ZFHX3: variants seen among roughly 807,000 people sequenced by gnomAD.
The protein encoded by ZFHX3 is zinc finger homeobox protein 3.
Under a neutral mutation model 279.1 loss-of-function variants are expected in ZFHX3, and 42 were observed. That is an observed-to-expected ratio of 0.15 (90% confidence interval 0.12 to 0.19). The LOEUF (loss-of-function observed/expected upper bound fraction) is 0.19. Among genes scored for constraint, ZFHX3 ranks in the 10% least tolerant of loss-of-function variants. The probability of loss-of-function intolerance (pLI) is 1.00; values close to 1 mark genes in which losing one functional copy is unlikely to be tolerated. For missense variants in ZFHX3, 4,981 were observed against 4,754.0 expected (o/e 1.05, Z -1.40); for synonymous variants, 2,293 against 1,957.8 (o/e 1.17, Z -4.52).
At chr16:73,774,379 T>TCA (rs2054053386) in intron 1 of ZFHX3, among the ~76,000 whole-genome samples, 1 of 152,152 alleles carries the variant, frequency 6.6e-6, no homozygotes, top group South Asian at 2.1e-4. Context: ...ATGACCACCA[T>TCA]TGCTGCCTTC....
At chr16:73,318,915 T>C (rs2015512784) in intron 3 of ZFHX3, among the ~76,000 whole-genome samples, 1 of 152,218 alleles carries the variant, frequency 6.6e-6, no homozygotes, top group South Asian at 2.1e-4. Context: ...GCTTGTTTGC[T>C]GTAATTTTAT....
At chr16:73,494,529 T>C (rs1051889275) in intron 2 of ZFHX3, among the ~76,000 whole-genome samples, 1 of 152,148 alleles carries the variant, frequency 6.6e-6, no homozygotes, top group African/African-American at 2.4e-5. Context: ...CTGTGTATAT[T>C]AAAACTCCCC....
Position 73,181,081 on chromosome 16 carries a change from GTTTGTTTTGTTTTGT to G in ZFHX3, c.-1103-37265_-1103-37251del, listed in dbSNP as rs375983001. On this transcript the variant is annotated intron_variant, in intron 5 of 17. Coordinates refer to the ZFHX3 transcript ENST00000641206. Reference sequence around the variant, plus strand: ...AAGGCTGCAGCTAGTTTTTTTGTTTGTTTGTTTTGTTTTGTTTTGTTTTGTTTTGTTTTGTTTTGA... The same window carrying G: ...AAGGCTGCAGCTAGTTTTTTTGTTTGTTTGTTTTGTTTTGTTTTGTTTTGA... Among the ~76,000 whole-genome samples the G allele has an allele frequency of 6.7e-4, 96 of 143,026 alleles. 1 individual carries two copies. The highest frequency in any genetic ancestry group is 3.5e-3 in the Middle Eastern group (1 of 286). 93.8% of individuals were successfully genotyped at this position (143,026 alleles called of 152,430 possible).
chr16:73,145,052 C>T (rs778477694), intron 5 of ZFHX3, among the ~76,000 whole-genome samples: 8 of 152,204 alleles, frequency 5.3e-5, no homozygotes, highest in African/African-American at 1.4e-4. Context: ...CTGGTGACAA[C>T]GGCTATCCCT....
intron 4 of ZFHX3, among the ~76,000 whole-genome samples, chr16:72,849,705 T>C (rs1372378695): frequency 6.6e-6 from 1 of 152,008 alleles, no homozygotes; most frequent in Non-Finnish European, 1.5e-5. Flanking sequence ...TATTGGCATA[T>C]CAATTAATGC....
intron 2 of ZFHX3, among the ~76,000 whole-genome samples, chr16:73,494,022 C>A (rs938953922): frequency 6.6e-6 from 1 of 151,476 alleles, no homozygotes; most frequent in South Asian, 2.1e-4. Flanking sequence ...AGACTCCATA[C>A]TGGCCCTGCC....
chr16:73,728,481 T>C (rs1212131725), intron 1 of ZFHX3, among the ~76,000 whole-genome samples: 3 of 152,218 alleles, frequency 2.0e-5, no homozygotes, highest in African/African-American at 4.8e-5. Flanking sequence ...AAAAGTTCTA[T>C]TGGACAGTGC....
intron 2 of ZFHX3, among the ~76,000 whole-genome samples, chr16:73,617,307 G>T (rs990826656): frequency 1.3e-5 from 2 of 152,184 alleles, no homozygotes; most frequent in African/African-American, 4.8e-5. Flanking sequence ...GAGGGAAATA[G>T]AAAAGGGCAA....
At chr16:73,742,069 T>C (rs1467101) in intron 1 of ZFHX3, among the ~76,000 whole-genome samples, 1 of 152,186 alleles carries the variant, frequency 6.6e-6, no homozygotes, top group Admixed American at 6.5e-5. Flanking sequence ...ATCAATACAG[T>C]GGTCATCAAC....
chr16:73,797,714 T>G (rs1314286410), intron 1 of ZFHX3, among the ~76,000 whole-genome samples: 1 of 152,072 alleles, frequency 6.6e-6, no homozygotes, highest in Non-Finnish European at 1.5e-5. Context: ...TTTCTGGCTC[T>G]GCATGACCTT....
At chr16:73,634,816 CCTT>C (rs2052513406) in intron 2 of ZFHX3, among the ~76,000 whole-genome samples, 1 of 152,092 alleles carries the variant, frequency 6.6e-6, no homozygotes, top group Non-Finnish European at 1.5e-5. Context: ...ACTACCTTCT[CCTT>C]CGTAAAATCT....
intron 4 of ZFHX3, among the ~76,000 whole-genome samples, chr16:72,882,982 GTGTGTGTGTGTGTGT>G (rs2038526352): frequency 3.2e-3 from 67 of 20,802 alleles, no homozygotes; most frequent in African/African-American, 5.6e-3. Context: ...TCTGGGGTGT[GTGTGTGTGTGTGTGT>G]GTGTGTGTGT....
intron 1 of ZFHX3, among the ~76,000 whole-genome samples, chr16:73,877,160 A>G (rs1345923364): frequency 7.3e-6 from 1 of 136,674 alleles, no homozygotes; most frequent in African/African-American, 2.7e-5. Context: ...TGCATCAAGC[A>G]TAACAAAAAG....
At chr16:73,649,858 G>C (rs2052654401) in intron 2 of ZFHX3, among the ~76,000 whole-genome samples, 1 of 152,160 alleles carries the variant, frequency 6.6e-6, no homozygotes, top group Non-Finnish European at 1.5e-5. Context: ...AGAATCAAAA[G>C]GGTAGCTAGA....
chr16:72,827,828 G>A (rs537173424), intron 5 of ZFHX3, among the ~76,000 whole-genome samples: 2 of 152,264 alleles, frequency 1.3e-5, no homozygotes, highest in East Asian at 3.9e-4. Flanking sequence ...CAGTCTGAAG[G>A]GGAATGCTAA....
At chr16:73,541,146 G>T (rs934633475) in intron 2 of ZFHX3, among the ~76,000 whole-genome samples, 2 of 151,994 alleles carry the variant, frequency 1.3e-5, no homozygotes, top group Non-Finnish European at 2.9e-5. Flanking sequence ...ATTTATTTTG[G>T]GCCCAGCAAA....
chr16:73,833,857 G>T (rs2142361059), intron 1 of ZFHX3, among the ~76,000 whole-genome samples: 1 of 150,402 alleles, frequency 6.6e-6, no homozygotes, highest in South Asian at 2.1e-4. Flanking sequence ...GTACCACATT[G>T]TATGATGTGT....
intron 4 of ZFHX3, among the ~76,000 whole-genome samples, chr16:72,845,300 C>G (rs1320678061): frequency 6.6e-6 from 1 of 152,194 alleles, no homozygotes; most frequent in African/African-American, 2.4e-5. Flanking sequence ...CTAGAGGACG[C>G]ACACTCCTGG....
intron 3 of ZFHX3, among the ~76,000 whole-genome samples, chr16:72,939,688 G>C (rs750508632): frequency 6.6e-6 from 1 of 152,258 alleles, no homozygotes; most frequent in Non-Finnish European, 1.5e-5. Flanking sequence ...AGGAGTTCGA[G>C]ACCAGCCTGG....
Sources: allele counts gnomAD v4.1 joint callset (sites outside exome capture counted in the v4.1 genomes callset), GRCh38; gene constraint gnomAD v4.1.1; transcripts MANE v1.5; gene names NCBI Gene and HGNC (gene_info 2026-07-23, HGNC 2026-07-21).